The following PIR variants were observed in gnomAD, a reference collection of about 807,000 sequenced individuals.
The protein encoded by PIR is pirin (iron-binding nuclear protein).
Under a neutral mutation model 24.2 loss-of-function variants are expected in PIR, and 22 were observed. The observed-to-expected ratio is 0.91, with a 90% CI of 0.65 to 1.30. The LOEUF (loss-of-function observed/expected upper bound fraction) is 1.30. Ranked by LOEUF, PIR falls within the 50% of genes most tolerant of loss-of-function variation. The pLI, the probability that PIR is intolerant of heterozygous loss-of-function variation, is 0.00. For missense variants in PIR, 220 were observed against 220.3 expected, an observed-to-expected ratio of 1.00 and a Z score of 0.01; for synonymous variants, 80 against 79.6, an observed-to-expected ratio of 1.00 and a Z score of -0.03.
At chrX:15,433,665 A>G (rs1158414007) in intron 5 of PIR, among the ~76,000 whole-genome samples, 1 of 88,692 alleles carries the variant, frequency 1.1e-5, no homozygotes, top group East Asian at 3.9e-4. Flanking sequence ...AAGGAGAAAG[A>G]AGGAGGAGGA....
chrX:15,462,425 T>TA (rs1921342912), intron 3 of PIR, among the ~76,000 whole-genome samples: 1 of 108,718 alleles, frequency 9.2e-6, no homozygotes, highest in Non-Finnish European at 1.9e-5. Flanking sequence ...AAATCCACAA[T>TA]AAAAAACAGA....
intron 8 of PIR, among the ~76,000 whole-genome samples, chrX:15,396,749 T>C (rs12171772): frequency 7.5e-5 from 4 of 52,990 alleles, no homozygotes; most frequent in Admixed American, 1.9e-4. Flanking sequence ...GATTCTTTTT[T>C]TTTTTTTTTT....
chrX:15,405,687 A>G (rs188078051), intron 7 of PIR, among the ~76,000 whole-genome samples: 1 of 112,431 alleles, frequency 8.9e-6, no homozygotes, highest in East Asian at 2.8e-4. Context: ...GGATTTTCAG[A>G]AGATCATAAA....
intron 3 of PIR, among the ~76,000 whole-genome samples, chrX:15,467,774 T>C (rs895540104): frequency 8.0e-5 from 9 of 112,103 alleles, no homozygotes; most frequent in African/African-American, 2.9e-4. Context: ...TTAAAATTTC[T>C]GACATGGACA....
intron 3 of PIR, among the ~76,000 whole-genome samples, chrX:15,463,448 T>C (rs993230697): frequency 1.8e-5 from 2 of 111,987 alleles, no homozygotes; most frequent in African/African-American, 6.5e-5. Flanking sequence ...GAGCTAACTT[T>C]ATTGGATGCC....
At chrX:15,488,937 A>C (rs1923019430) in intron 2 of PIR, among the ~76,000 whole-genome samples, 1 of 111,779 alleles carries the variant, frequency 8.9e-6, no homozygotes, top group Non-Finnish European at 1.9e-5. Flanking sequence ...TAAAATATAC[A>C]TAACATAAAA....
chrX:15,436,899 G>A (rs946684653), intron 5 of PIR, among the ~76,000 whole-genome samples: 1 of 112,048 alleles, frequency 8.9e-6, no homozygotes, highest in African/African-American at 3.2e-5. Flanking sequence ...TCTTCTACGT[G>A]ATCATTTGCA....
At chrX:15,385,888 T>C (rs1923731882) in intron 9 of PIR, among the ~76,000 whole-genome samples, 1 of 112,191 alleles carries the variant, frequency 8.9e-6, no homozygotes, top group African/African-American at 3.2e-5. Context: ...TTTTGTCTAA[T>C]TGCTGGGTCT....
chrX:15,445,338 G>A (rs1420079292), intron 5 of PIR, among the ~76,000 whole-genome samples: 1 of 110,967 alleles, frequency 9.0e-6, no homozygotes, highest in Non-Finnish European at 1.9e-5. Context: ...TGAACAATGA[G>A]AACACTTGGA....
intron 2 of PIR, among the ~76,000 whole-genome samples, chrX:15,483,895 C>T (rs1038691477): frequency 1.8e-5 from 2 of 112,465 alleles, no homozygotes; most frequent in East Asian, 2.8e-4. Flanking sequence ...GTGTTTGAAG[C>T]TCTAAGATAA....
At chrX:15,455,788 A>C (rs1195028368) in intron 5 of PIR, 60 bp downstream of exon 5, 1 of 944,304 alleles carries the variant, frequency 1.1e-6, no homozygotes, top group East Asian at 3.1e-5. Context: ...ACAATCCAGA[A>C]GGGGCCAGCC....
Position 15,423,218 on chromosome X carries a change from C to T in PIR, c.565+2688G>A, listed in dbSNP as rs148201340. Among the ~76,000 whole-genome samples the T allele has an allele frequency of 5.0e-3, 530 of 106,665 alleles. 1 individual carries two copies. Among genetic ancestry groups the T allele is most frequent in the African/African-American group, 0.017 (489 of 29,233 alleles). 92.6% of individuals were successfully genotyped at this position (106,665 alleles called of 115,157 possible). On this transcript the variant is annotated intron_variant, in intron 6 of 9. Coordinates refer to ENST00000380420, the MANE Select transcript of PIR (RefSeq NM_001018109.3). Reference sequence around the variant, plus strand: ...AAAATCTCCAGGACATTGGACTGGACAAAGATATTTTGTGTAAGACCTCAA... The same window carrying T: ...AAAATCTCCAGGACATTGGACTGGATAAAGATATTTTGTGTAAGACCTCAA...
chrX:15,418,255 A>T (rs765056595), intron 6 of PIR, among the ~76,000 whole-genome samples: 3 of 111,476 alleles, frequency 2.7e-5, no homozygotes, highest in Non-Finnish European at 5.6e-5. Context: ...CCAAACTGTG[A>T]TACAGTCAGT....
intron 3 of PIR, among the ~76,000 whole-genome samples, chrX:15,471,306 C>A (rs984092448): frequency 6.3e-5 from 7 of 111,816 alleles, no homozygotes; most frequent in African/African-American, 2.3e-4. Flanking sequence ...TGCCATATGA[C>A]CCAGATGGAC....
At chrX:15,396,743 C>CTT (rs3842704) in intron 8 of PIR, among the ~76,000 whole-genome samples, 42 of 103,144 alleles carry the variant, frequency 4.1e-4, no homozygotes, top group African/African-American at 1.2e-3. Context: ...AGTGGGGATT[C>CTT]TTTTTTTTTT....
chrX:15,407,314 C>T lies in PIR; in HGVS notation c.610+192G>A, dbSNP rs143906710. 2.9e-3 allele frequency among the ~76,000 whole-genome samples: 325 copies of T among 112,269 alleles called. 1 individual carries two copies. Among genetic ancestry groups the T allele is most frequent in the African/African-American group, 9.7e-3 (300 of 30,877 alleles). On this transcript the variant is annotated intron_variant, in intron 7 of 9. Transcript: ENST00000380420. ...ATGACTGGTGTTCATATTCTCTTCC[C>T]TCACTGAATGTTCTGTAAGCTGAAA...
chrX:15,390,082 G>A, intron 9 of PIR, 103 bp downstream of exon 9: 1 of 384,606 alleles, frequency 2.6e-6, no homozygotes, highest in African/African-American at 2.6e-5. Context: ...TGGAGAGACA[G>A]GACAAAAAAA....
chrX:15,454,710 A>G (rs1921016541), intron 5 of PIR, among the ~76,000 whole-genome samples: 1 of 111,617 alleles, frequency 9.0e-6, no homozygotes, highest in Non-Finnish European at 1.9e-5. Flanking sequence ...CTGGTTGTGC[A>G]CTGGGAGAAT....
chrX:15,459,616 A>C, intron 4 of PIR, 41 bp downstream of exon 4: 1 of 901,505 alleles, frequency 1.1e-6, no homozygotes. Flanking sequence ...GTGCACCCAA[A>C]AACTACTAAA....
Sources: allele counts gnomAD v4.1 joint callset (sites outside exome capture counted in the v4.1 genomes callset), GRCh38; gene constraint gnomAD v4.1.1; transcripts MANE v1.5; gene names NCBI Gene and HGNC (gene_info 2026-07-23, HGNC 2026-07-21).